Variants in DPP10 observed in about 807,000 individuals in gnomAD.
DPP10 encodes inactive dipeptidyl peptidase 10.
In DPP10, 33 loss-of-function variants were observed where a neutral mutation model predicts 120.9. That is an observed-to-expected ratio of 0.27 (90% CI 0.21 to 0.37). DPP10 has a LOEUF of 0.37. Ranked by LOEUF, DPP10 falls within the 10% of genes least tolerant of loss-of-function variation. The pLI, the probability that DPP10 is intolerant of heterozygous loss-of-function variation, is 1.00. For synonymous variants in DPP10, 337 were observed against 326.1 expected (o/e 1.03, Z -0.36); for missense variants, 816 against 942.8 (o/e 0.87, Z 1.76).
intron 1 of DPP10, among the ~76,000 whole-genome samples, chr2:114,633,658 G>T (rs1235801267): frequency 6.6e-6 from 1 of 151,474 alleles, no homozygotes; most frequent in Non-Finnish European, 1.5e-5. Flanking sequence ...GTGTCACCCA[G>T]ACTAGAGTGC....
intron 3 of DPP10, among the ~76,000 whole-genome samples, chr2:115,361,676 G>T (rs1011218605): frequency 6.6e-6 from 1 of 152,096 alleles, no homozygotes; most frequent in Non-Finnish European, 1.5e-5. Flanking sequence ...CAGGAGTGTG[G>T]TGTCCCGCAG....
At chr2:114,574,310 G>A (rs895394957) in intron 1 of DPP10, among the ~76,000 whole-genome samples, 5 of 152,140 alleles carry the variant, frequency 3.3e-5, no homozygotes, top group African/African-American at 9.7e-5. Flanking sequence ...GAAATAGGAA[G>A]AGGAGAGCAA....
At chr2:114,867,479 T>C (rs2106551895) in intron 1 of DPP10, among the ~76,000 whole-genome samples, 1 of 152,330 alleles carries the variant, frequency 6.6e-6, no homozygotes, top group Admixed American at 6.5e-5. Flanking sequence ...AGGTAGAAGG[T>C]GTCATCCAAT....
At chr2:115,484,215 T>G (rs1405315917) in intron 3 of DPP10, among the ~76,000 whole-genome samples, 1 of 151,642 alleles carries the variant, frequency 6.6e-6, no homozygotes, top group African/African-American at 2.4e-5. Context: ...TTACCTGCAT[T>G]ATGAAATGCC....
chr2:115,206,255 T>C (rs908538064), intron 1 of DPP10, among the ~76,000 whole-genome samples: 3 of 152,184 alleles, frequency 2.0e-5, no homozygotes, highest in African/African-American at 7.2e-5. Context: ...TTGGTAAATA[T>C]GTTAGTGTGA....
At chr2:115,213,223 A>G (rs1052090801) in intron 1 of DPP10, among the ~76,000 whole-genome samples, 1 of 152,168 alleles carries the variant, frequency 6.6e-6, no homozygotes, top group Non-Finnish European at 1.5e-5. Flanking sequence ...TTTACTTTAC[A>G]TATTTTGTCT....
At chr2:115,252,755 A>C (rs1420449697) in intron 1 of DPP10, among the ~76,000 whole-genome samples, 1 of 152,178 alleles carries the variant, frequency 6.6e-6, no homozygotes, top group Admixed American at 6.5e-5. Context: ...TAAATTCTTC[A>C]AATCTCTGGT....
chr2:114,902,722 A>G (rs1693681028), intron 1 of DPP10, among the ~76,000 whole-genome samples: 1 of 152,196 alleles, frequency 6.6e-6, no homozygotes, highest in South Asian at 2.1e-4. Context: ...GCTCGCACAC[A>G]TATATAACCC....
At chr2:115,419,784 AAAAG>A (rs1465742943) in intron 3 of DPP10, among the ~76,000 whole-genome samples, 12 of 152,188 alleles carry the variant, frequency 7.9e-5, no homozygotes, top group African/African-American at 2.9e-4. Flanking sequence ...AATGCTACAG[AAAAG>A]AAAGAACTAA....
At chr2:114,448,545 T>G in intron 1 of DPP10, among the ~76,000 whole-genome samples, 1 of 152,148 alleles carries the variant, frequency 6.6e-6, no homozygotes, top group East Asian at 1.9e-4. Flanking sequence ...ATGCAAATTC[T>G]TGGACTCTAC....
intron 1 of DPP10, among the ~76,000 whole-genome samples, chr2:114,783,424 AT>A (rs1239210350): frequency 6.6e-6 from 1 of 152,126 alleles, no homozygotes; most frequent in Non-Finnish European, 1.5e-5. Context: ...CAGAACAGAT[AT>A]AAGAAGAGTG....
chr2:115,488,880 T>TAA (rs35020299), intron 3 of DPP10, among the ~76,000 whole-genome samples: 35,102 of 125,658 alleles, frequency 0.28, 5,108 homozygotes, highest in Non-Finnish European at 0.37. Context: ...TAGAGTATAA[T>TAA]AAAAAAAAAA....
chr2:115,508,632 C>T (rs1319138555), intron 4 of DPP10, among the ~76,000 whole-genome samples: 1 of 152,134 alleles, frequency 6.6e-6, no homozygotes, highest in Non-Finnish European at 1.5e-5. Flanking sequence ...GAGCCGGGCT[C>T]AATGGCTCAC....
chr2:114,851,067 G>A (rs894922493), intron 1 of DPP10, among the ~76,000 whole-genome samples: 20 of 152,114 alleles, frequency 1.3e-4, no homozygotes, highest in South Asian at 6.2e-4. Flanking sequence ...TTTTAATTTC[G>A]TACCTTGACT....
intron 1 of DPP10, among the ~76,000 whole-genome samples, chr2:114,942,298 C>CATATATAT (rs752991108): frequency 1.9e-4 from 20 of 104,688 alleles, no homozygotes; most frequent in African/African-American, 7.5e-4. Context: ...TATATATATA[C>CATATATAT]ATATATATAT....
intron 1 of DPP10, among the ~76,000 whole-genome samples, chr2:114,819,035 C>T (rs1685868080): frequency 6.6e-6 from 1 of 152,022 alleles, no homozygotes; most frequent in South Asian, 2.1e-4. Context: ...AGTTTTGGTC[C>T]ACTAAGTGGC....
intron 1 of DPP10, among the ~76,000 whole-genome samples, chr2:114,980,756 G>A (rs1040116747): frequency 6.6e-5 from 10 of 151,638 alleles, no homozygotes; most frequent in African/African-American, 1.7e-4. Context: ...CTCCCAGAGC[G>A]CTGCAGGTAT....
At chr2:115,086,703 G>A (rs535996769) in intron 1 of DPP10, among the ~76,000 whole-genome samples, 4 of 152,104 alleles carry the variant, frequency 2.6e-5, no homozygotes, top group South Asian at 2.1e-4. Context: ...TGACCTGCTC[G>A]CCTCGGCCTC....
At chr2:114,609,908 A>C (rs1693143051) in intron 1 of DPP10, among the ~76,000 whole-genome samples, 1 of 152,186 alleles carries the variant, frequency 6.6e-6, no homozygotes, top group Non-Finnish European at 1.5e-5. Flanking sequence ...AGCCAACCAC[A>C]TCCTTCAATC....
Sources: gnomAD v4.1 joint callset for allele counts (sites outside exome capture counted in the v4.1 genomes callset) on GRCh38, gnomAD v4.1.1 for gene constraint, MANE v1.5 for transcripts, NCBI Gene and HGNC (gene_info 2026-07-23, HGNC 2026-07-21) for gene names.